KAZN: variants seen among roughly 807,000 people sequenced by gnomAD.
KAZN encodes the protein kazrin, periplakin interacting protein, also known as kazrin.
In KAZN, 40 loss-of-function variants were observed where a neutral mutation model predicts 87.4. That is an observed-to-expected ratio of 0.46 (90% confidence interval 0.36 to 0.60). The LOEUF (loss-of-function observed/expected upper bound fraction) is 0.60, where lower values mean the gene tolerates loss of function less well. Among genes scored for constraint, KAZN ranks in the 20% least tolerant of loss-of-function variants. The pLI, the probability that KAZN is intolerant of heterozygous loss-of-function variation, is 0.00. For missense variants in KAZN, 898 were observed against 1,073.9 expected (o/e 0.84, Z 2.29); for synonymous variants, 466 against 458.3 (o/e 1.02, Z -0.22).
At chr1:14,314,387 T>A (rs926001195) in intron 2 of KAZN, among the ~76,000 whole-genome samples, 1 of 152,186 alleles carries the variant, frequency 6.6e-6, no homozygotes, top group Non-Finnish European at 1.5e-5. Context: ...ATCACTCTGA[T>A]ATACTTGATC....
upstream of KAZN, among the ~76,000 whole-genome samples, chr1:14,594,376 G>A (rs1676366487): frequency 6.6e-6 from 1 of 152,272 alleles, no homozygotes; most frequent in East Asian, 1.9e-4. Context: ...AAATACCCAG[G>A]CAAGCTTTGA....
intron 2 of KAZN, among the ~76,000 whole-genome samples, chr1:14,302,630 G>A (rs1654631702): frequency 1.3e-5 from 2 of 152,128 alleles, no homozygotes; most frequent in Non-Finnish European, 1.5e-5. Flanking sequence ...CATGGCAAAT[G>A]GTGTGTACAA....
At chr1:14,109,014 A>T (rs1644440612) in intron 1 of KAZN, among the ~76,000 whole-genome samples, 1 of 152,198 alleles carries the variant, frequency 6.6e-6, no homozygotes, top group Non-Finnish European at 1.5e-5. Context: ...CTGAGCTAGG[A>T]CTGCAATGTG....
chr1:13,913,001 C>A (rs1557716316), intron 1 of KAZN, among the ~76,000 whole-genome samples: 1 of 152,146 alleles, frequency 6.6e-6, no homozygotes, highest in African/African-American at 2.4e-5. Flanking sequence ...CCTGCATGGC[C>A]CCTAAGAAGA....
Position 14,775,570 on chromosome 1 carries a change from G to T in KAZN, c.226+176347G>T, listed in dbSNP as rs115850484. ...CCTGGGCTCCTGACACAAGCTCAGT[G>T]GGCAGACAGAAGCTGAGAGGAAGGT... is the stretch of plus-strand genomic sequence containing the variant. On this transcript the variant is annotated intron_variant, in intron 1 of 14. Coordinates refer to ENST00000376030, the MANE Select transcript of KAZN (RefSeq NM_201628.3). 3.1e-3 allele frequency among the ~76,000 whole-genome samples: 467 copies of T among 152,354 alleles called. 3 individuals are homozygous for T. The highest frequency in any genetic ancestry group is 0.011 in the African/African-American group (449 of 41,580).
intron 1 of KAZN, among the ~76,000 whole-genome samples, chr1:14,938,138 G>A (rs1572873781): frequency 6.6e-6 from 1 of 152,092 alleles, no homozygotes; most frequent in African/African-American, 2.4e-5. Flanking sequence ...TCCAACAGTG[G>A]GGACCCTGAG....
intron 2 of KAZN, among the ~76,000 whole-genome samples, chr1:14,587,293 G>A (rs1219644827): frequency 1.3e-5 from 2 of 151,896 alleles, no homozygotes; most frequent in African/African-American, 2.4e-5. Flanking sequence ...AAAATCATCC[G>A]GGTGTGGTGG....
At chr1:14,751,277 T>A (rs1644405979) in intron 1 of KAZN, among the ~76,000 whole-genome samples, 1 of 152,232 alleles carries the variant, frequency 6.6e-6, no homozygotes, top group Non-Finnish European at 1.5e-5. Flanking sequence ...GTGTACTTAA[T>A]ACGTACATGT....
intron 1 of KAZN, among the ~76,000 whole-genome samples, chr1:14,681,366 T>G (rs373627377): frequency 1.3e-5 from 2 of 152,134 alleles, no homozygotes; most frequent in African/African-American, 2.4e-5. Flanking sequence ...ACATATGTTT[T>G]CATTTCTCCT....
intron 1 of KAZN, among the ~76,000 whole-genome samples, chr1:14,050,247 T>A (rs1309801236): frequency 1.3e-5 from 2 of 151,984 alleles, no homozygotes; most frequent in Non-Finnish European, 2.9e-5. Flanking sequence ...TGGATGTGTG[T>A]GGGCATGCCT....
chr1:14,759,863 C>T lies in KAZN; in HGVS notation c.226+160640C>T, dbSNP rs528414815. On this transcript the variant is annotated intron_variant, in intron 1 of 14. Coordinates refer to ENST00000376030, the MANE Select transcript of KAZN (RefSeq NM_201628.3). ...TTCAAGCCTTTTCTTGTGCACCACGCTTGCCTGCCTTGGTGTGCTTCTGAT... is the reference window on the plus strand; with the variant it reads ...TTCAAGCCTTTTCTTGTGCACCACGTTTGCCTGCCTTGGTGTGCTTCTGAT... Among the ~76,000 whole-genome samples, 16 of 152,294 alleles carry T rather than the reference C, an allele frequency of 1.1e-4. No individual in the cohort carries two copies. The South Asian group carries it at 3.3e-3, about 32-fold the overall frequency.
chr1:14,439,409 G>A (rs1666575658), intron 2 of KAZN, among the ~76,000 whole-genome samples: 1 of 152,154 alleles, frequency 6.6e-6, no homozygotes, highest in African/African-American at 2.4e-5. Context: ...AACAGAGTTA[G>A]GAGTTTTTAC....
chr1:14,747,782 A>C (rs1409239452), intron 1 of KAZN, among the ~76,000 whole-genome samples: 1 of 152,192 alleles, frequency 6.6e-6, no homozygotes, highest in Non-Finnish European at 1.5e-5. Context: ...AGAAATTTTC[A>C]CAGTGTTTTC....
chr1:14,289,990 T>C (rs1469204145), intron 2 of KAZN, among the ~76,000 whole-genome samples: 1 of 152,242 alleles, frequency 6.6e-6, no homozygotes, highest in African/African-American at 2.4e-5. Flanking sequence ...TCTTTAAGAA[T>C]GTTGAATATT....
chr1:14,981,366 T>C (rs1364646693), intron 2 of KAZN, among the ~76,000 whole-genome samples: 1 of 152,258 alleles, frequency 6.6e-6, no homozygotes, highest in Non-Finnish European at 1.5e-5. Flanking sequence ...GTGTGTTTTG[T>C]AAATCCATGT....
chr1:14,530,751 G>T (rs887331999), intron 2 of KAZN, among the ~76,000 whole-genome samples: 4 of 152,160 alleles, frequency 2.6e-5, no homozygotes, highest in Admixed American at 2.0e-4. Context: ...TGTACAGTCT[G>T]CAGAAATGTG....
chr1:13,982,933 A>C (rs1243930372), intron 1 of KAZN, among the ~76,000 whole-genome samples: 1 of 151,704 alleles, frequency 6.6e-6, no homozygotes, highest in African/African-American at 2.4e-5. Flanking sequence ...AGCTAGATAC[A>C]GTCTCCATTG....
At chr1:15,051,508 A>C (rs1318302085) in intron 4 of KAZN, among the ~76,000 whole-genome samples, 1 of 152,236 alleles carries the variant, frequency 6.6e-6, no homozygotes, top group Admixed American at 6.5e-5. Context: ...TCCTCACATC[A>C]TCCCTGCTTG....
At chr1:14,541,977 C>T (rs528913755) in intron 2 of KAZN, among the ~76,000 whole-genome samples, 1 of 152,270 alleles carries the variant, frequency 6.6e-6, no homozygotes, top group East Asian at 1.9e-4. Context: ...AGGCGATTGT[C>T]AGCCTCTCTG....
Sources: allele counts gnomAD v4.1 joint callset (sites outside exome capture counted in the v4.1 genomes callset), GRCh38; gene constraint gnomAD v4.1.1; transcripts MANE v1.5; gene names NCBI Gene and HGNC (gene_info 2026-07-23, HGNC 2026-07-21).